GGTA1: variants seen among roughly 807,000 people sequenced by gnomAD.
The protein encoded by GGTA1 is inactive N-acetyllactosaminide alpha-1,3-galactosyltransferase.
Under a neutral mutation model 2.6 loss-of-function variants are expected in GGTA1, and 5 were observed. That is an observed-to-expected ratio of 1.92 (90% CI 1.00 to 4.04). The LOEUF is 4.04. Ranked by LOEUF, GGTA1 falls within the 30% of genes most tolerant of loss-of-function variation. GGTA1 has a pLI of 0.00. For synonymous variants in GGTA1, 17 were observed against 5.0 expected (o/e 3.38, Z -3.19); for missense variants, 50 against 16.7 (o/e 2.99, Z -3.47).
downstream of GGTA1, among the ~76,000 whole-genome samples, chr9:121,450,176 G>T (rs1010269256): frequency 5.3e-5 from 8 of 152,158 alleles, no homozygotes; most frequent in African/African-American, 1.9e-4. Context: ...AGGGTTTATA[G>T]TATTGATTCT....
intron 1 of GGTA1, among the ~76,000 whole-genome samples, chr9:121,496,550 G>A (rs1391490312): frequency 6.6e-6 from 1 of 151,640 alleles, no homozygotes; most frequent in African/African-American, 2.4e-5. Context: ...CCAACATGGT[G>A]AAACCCCAAC....
Position 121,455,071 on chromosome 9 carries a change from T to G in GGTA1, c.*766A>C, listed in dbSNP as rs2064899683. 2 of 152,208 alleles carry G rather than the reference T, an allele frequency of 1.3e-5. No individual in the cohort carries two copies. Among genetic ancestry groups the G allele is most frequent in the Admixed American group, 6.5e-5 (1 of 15,282 alleles). The allele number at this position is 152,208 out of a possible 1,614,324, so 9.4% of individuals were successfully genotyped here. ...AAAAAGTAATCATTTTTATTTGCAT[T>G]GGCATTTTTGTCAATTCAGACTGAG... On this transcript the variant is annotated 3_prime_UTR_variant, in exon 6 of 6. Coordinates refer to ENST00000481799, the MANE Select transcript of GGTA1 (RefSeq NM_001382585.1).
chr9:121,489,754 G>A (rs28427512), intron 1 of GGTA1, among the ~76,000 whole-genome samples: 33,195 of 152,170 alleles, frequency 0.22, 4,325 homozygotes, highest in Non-Finnish European at 0.3. Context: ...TTCTTCGGGT[G>A]GCAGGGAAGA....
At chr9:121,488,999 C>G in intron 1 of GGTA1, among the ~76,000 whole-genome samples, 1 of 152,176 alleles carries the variant, frequency 6.6e-6, no homozygotes, top group East Asian at 1.9e-4. Context: ...GTGCTGACCT[C>G]TTTCTGGGAT....
intron 1 of GGTA1, among the ~76,000 whole-genome samples, chr9:121,497,618 C>T (rs984044765): frequency 3.9e-5 from 6 of 151,974 alleles, no homozygotes; most frequent in Admixed American, 1.3e-4. Context: ...CAGGGACGGG[C>T]GCAGAATGGG....
intron 1 of GGTA1, among the ~76,000 whole-genome samples, chr9:121,469,783 G>A (rs1828349083): frequency 6.6e-6 from 1 of 152,174 alleles, no homozygotes. Context: ...AACCAATCCT[G>A]AGCTGTAGAT....
rs113984271 is a variant in GGTA1, at chr9:121,468,073, G to A, written c.-9-142C>T. On this transcript the variant is annotated intron_variant, in intron 1 of 5. Transcript: ENST00000481799. ...AAGTTCTGGGATACATGTGCAGAAC[G>A]TGCAGGTTTGTTACATAGGTATACA... 1.3e-4 allele frequency: 50 copies of A among 374,058 alleles called. 1 individual carries two copies. The highest frequency in any genetic ancestry group is 5.7e-4 in the African/African-American group (27 of 47,300). The allele number at this position is 374,058 out of a possible 1,614,324, so 23.2% of individuals were successfully genotyped here.
chr9:121,494,978 GC>G (rs1433035744), intron 1 of GGTA1, among the ~76,000 whole-genome samples: 6 of 140,814 alleles, frequency 4.3e-5, no homozygotes, highest in Non-Finnish European at 9.0e-5. Context: ...AGGCTGGAGT[GC>G]AGTGGTGCCA....
downstream of GGTA1, among the ~76,000 whole-genome samples, chr9:121,453,750 G>A (rs1030495140): frequency 1.3e-5 from 2 of 152,148 alleles, no homozygotes; most frequent in African/African-American, 2.4e-5. Flanking sequence ...GGGCCAGCAC[G>A]GCCAGTGGAG....
intron 1 of GGTA1, among the ~76,000 whole-genome samples, chr9:121,493,600 C>T (rs1267338504): frequency 2.0e-5 from 3 of 152,040 alleles, no homozygotes; most frequent in East Asian, 3.9e-4. Flanking sequence ...TTGTTTCCCT[C>T]GGGGGTCTTA....
chr9:121,485,622 G>C (rs563486339), intron 1 of GGTA1, among the ~76,000 whole-genome samples: 28 of 152,236 alleles, frequency 1.8e-4, no homozygotes, highest in Admixed American at 1.4e-3. Flanking sequence ...CTCAGGCCGG[G>C]CTCTGGAGAA....
At chr9:121,491,587 C>T (rs1828869252) in intron 1 of GGTA1, among the ~76,000 whole-genome samples, 1 of 151,914 alleles carries the variant, frequency 6.6e-6, no homozygotes. Flanking sequence ...GTGGCTGTCA[C>T]TGTGCAATTA....
chr9:121,487,583 A>G (rs941315263), intron 1 of GGTA1, among the ~76,000 whole-genome samples: 2 of 151,616 alleles, frequency 1.3e-5, no homozygotes, highest in Non-Finnish European at 2.9e-5. Context: ...TCAAAAAAAA[A>G]AAAAAAAAAA....
chr9:121,457,331 A>G (rs542024865), intron 5 of GGTA1, among the ~76,000 whole-genome samples: 1 of 152,198 alleles, frequency 6.6e-6, no homozygotes, highest in African/African-American at 2.4e-5. Flanking sequence ...ATCTGGGCTA[A>G]AGATTTAAAT....
chr9:121,475,145 A>C (rs1828480484), intron 1 of GGTA1, among the ~76,000 whole-genome samples: 1 of 152,192 alleles, frequency 6.6e-6, no homozygotes, highest in Non-Finnish European at 1.5e-5. Context: ...CTTGCTGGTA[A>C]AACAGTTTGC....
intron 1 of GGTA1, among the ~76,000 whole-genome samples, chr9:121,481,353 A>G (rs1295170306): frequency 6.6e-6 from 1 of 151,982 alleles, no homozygotes; most frequent in Non-Finnish European, 1.5e-5. Flanking sequence ...CCAGCATAAA[A>G]GGTACACACT....
intron 5 of GGTA1, among the ~76,000 whole-genome samples, chr9:121,458,053 G>A (rs1027106447): frequency 6.6e-6 from 1 of 151,268 alleles, no homozygotes; most frequent in African/African-American, 2.4e-5. Context: ...GAGATTACAG[G>A]CACCCACAAC....
Position 121,488,845 on chromosome 9 carries a change from G to A in GGTA1, c.-10+10805C>T, listed in dbSNP as rs555949834. 1.2e-4 allele frequency among the ~76,000 whole-genome samples: 18 copies of A among 152,314 alleles called. No individual in the cohort carries two copies. In the East Asian group the frequency reaches 3.3e-3, roughly 28 times the overall value. ...AATCGCTTGAACCCAGGAGGCAGAG[G>A]TTGCAGTGAGCTGAGATCATACCAC... On this transcript the variant is annotated intron_variant, in intron 1 of 5. Coordinates refer to ENST00000481799, the MANE Select transcript of GGTA1 (RefSeq NM_001382585.1).
chr9:121,468,337 A>G (rs138685474), intron 1 of GGTA1, among the ~76,000 whole-genome samples: 272 of 152,348 alleles, frequency 1.8e-3, no homozygotes, highest in African/African-American at 6.2e-3. Context: ...TGTCCCAGCA[A>G]AGGACATGAA....
Sources: allele counts gnomAD v4.1 joint callset (sites outside exome capture counted in the v4.1 genomes callset), GRCh38; gene constraint gnomAD v4.1.1; transcripts MANE v1.5; gene names NCBI Gene and HGNC (gene_info 2026-07-23, HGNC 2026-07-21).